The following MAP3K14 variants were observed in gnomAD, a reference collection of about 807,000 sequenced individuals.
MAP3K14 encodes NF-kappa-beta-inducing kinase.
Under a neutral mutation model 99.2 loss-of-function variants are expected in MAP3K14, and 16 were observed. That is an observed-to-expected ratio of 0.16 (90% confidence interval 0.11 to 0.24). The LOEUF is 0.24. MAP3K14 is among the 10% of genes least tolerant of loss of function. The probability of loss-of-function intolerance (pLI) is 1.00; values close to 1 mark genes in which losing one functional copy is unlikely to be tolerated. For missense variants in MAP3K14, 784 were observed against 1,208.7 expected (o/e 0.65, Z 5.21); for synonymous variants, 462 against 492.4 (o/e 0.94, Z 0.82).
intron 14 of MAP3K14, 119 bp from the exon 15 acceptor site, chr17:45,265,382 G>C (rs1210417839): frequency 1.4e-6 from 1 of 699,332 alleles, no homozygotes; most frequent in Non-Finnish European, 2.6e-6. Flanking sequence ...TGTAGGGGGA[G>C]CAGGTCTGGC....
Position 45,266,614 on chromosome 17 carries a change from TG to T in MAP3K14, c.2500del (p.Gln834ArgfsTer28). 6.2e-7 allele frequency: 1 copy of T among 1,613,828 alleles called. No individual in the cohort carries two copies. The highest frequency in any genetic ancestry group is 8.5e-7 in the Non-Finnish European group (1 of 1,179,844). ...CCAGCTGGAGCTTCGAGCCTCGGCC[TG>T]GCTGCTCCAGGAGTGTACGCCTGAG... ...LSSGVHSWSS[Q>X]AEARSSSWNM... On this transcript the variant is annotated frameshift_variant, in exon 14 of 16. Transcript: ENST00000344686. LOFTEE classifies it high-confidence loss of function.
chr17:45,271,177 C>G lies in MAP3K14; in HGVS notation c.1702G>C (p.Val568Leu). The G allele has an allele frequency of 1.2e-6, 2 of 1,613,460 alleles. No individual in the cohort carries two copies. Among genetic ancestry groups the G allele is most frequent in the Non-Finnish European group, 1.7e-6 (2 of 1,179,756 alleles). The part of the protein sequence containing the change: ...GTETHMAPEV[V>L]LGRSCDAKVD... ...TTGGCGTCGCAGCTCCTGCCCAGCA[C>G]CACCTCCGGAGCCATGTGGGTCTCT... is the stretch of plus-strand genomic sequence containing the variant. Residue 568 changes from valine to leucine, a missense_variant, in exon 10 of 16, where the codon GTG becomes CTG. Coordinates refer to ENST00000344686, the MANE Select transcript of MAP3K14 (RefSeq NM_003954.5).
At chr17:45,288,379 GTT>G (rs11410554) in intron 3 of MAP3K14, among the ~76,000 whole-genome samples, 2 of 135,804 alleles carry the variant, frequency 1.5e-5, no homozygotes, top group African/African-American at 2.7e-5. Flanking sequence ...TTGAACTCTT[GTT>G]TTTTTTTTTT....
chr17:45,307,266 A>T (rs7223853), intron 1 of MAP3K14, among the ~76,000 whole-genome samples: 48,334 of 150,454 alleles, frequency 0.32, 8,231 homozygotes, highest in East Asian at 0.64. Flanking sequence ...TCAAAAAATT[A>T]AAAAAAAAAA....
In MAP3K14 at chr17:45,267,625, C is replaced by G; in HGVS notation, c.2107G>C (p.Ala703Pro). 1 of 1,613,210 alleles carries G rather than the reference C, an allele frequency of 6.2e-7. No individual in the cohort carries two copies. Among genetic ancestry groups the G allele is most frequent in the Non-Finnish European group, 8.5e-7 (1 of 1,179,688 alleles). The change falls in exon 12 of 16, where the codon GCT becomes CCT. Residue 703 changes from alanine (A) to proline (P), a missense_variant. This residue lies in a region of MAP3K14 where 128 missense variants were observed against 143.3 expected (regional missense o/e 0.89). Coordinates refer to ENST00000344686, the MANE Select transcript of MAP3K14 (RefSeq NM_003954.5). The surrounding 1 kb of genome is among the most constrained non-coding windows in gnomAD (Gnocchi z 5.1). Reference protein sequence around the residue: ...LSPRAPGPRPAEETTGRAPKL... With the variant: ...LSPRAPGPRPPEETTGRAPKL... The stretch of plus-strand genomic sequence containing the variant: ...GGGGCTCTGCCTGTTGTCTCCTCAG[C>G]TGGCCGGGGCCCTGGGGCCCTTGGC...
In MAP3K14 at chr17:45,274,203, C is replaced by T. The variant is rs560732892; in HGVS notation, c.1472G>A (p.Arg491Gln). The T allele has an allele frequency of 3.1e-6, 5 of 1,598,326 alleles. No homozygotes were observed. Among genetic ancestry groups the T allele is most frequent in the African/African-American group, 1.3e-5 (1 of 74,760 alleles). Residue 491 changes from arginine (R) to glutamine (Q), a missense_variant, in exon 8 of 16, where the codon CGG (arginine) becomes CAG (glutamine). By Grantham distance (43) the Arg-to-Gln change is conservative. Coordinates refer to ENST00000344686, the MANE Select transcript of MAP3K14 (RefSeq NM_003954.5). ...GGCCTGGCCCAGGTAGTACAGGGCC[C>T]GGTCCTCTGGGAGACAGCCCTGCTC... The part of the protein sequence containing the change: ...VKEQGCLPED[R>Q]ALYYLGQALE...
At chr17:45,276,860 G>C (rs1476265393) in intron 6 of MAP3K14, among the ~76,000 whole-genome samples, 3 of 92,462 alleles carry the variant, frequency 3.2e-5, no homozygotes, top group African/African-American at 1.3e-4. Context: ...ACAGAGTCTC[G>C]CTCTGTCACC....
intron 1 of MAP3K14, among the ~76,000 whole-genome samples, chr17:45,312,907 T>C (rs1168194309): frequency 6.6e-6 from 1 of 152,218 alleles, no homozygotes; most frequent in African/African-American, 2.4e-5. Context: ...AAGTCCTTGC[T>C]GATCTACATG....
intron 6 of MAP3K14, among the ~76,000 whole-genome samples, chr17:45,279,917 C>G (rs1014200346): frequency 6.6e-6 from 1 of 152,182 alleles, no homozygotes; most frequent in African/African-American, 2.4e-5. Flanking sequence ...TTCCTCTGAT[C>G]CTTGTGCTAT....
intron 15 of MAP3K14, 110 bp from the exon 16 acceptor site, chr17:45,264,910 T>G (rs1356997208): frequency 2.1e-5 from 24 of 1,170,624 alleles, no homozygotes; most frequent in Non-Finnish European, 2.9e-5. Context: ...GGGCACTGCC[T>G]GTCTGTCATT....
chr17:45,285,420 G>A (rs535769432), intron 5 of MAP3K14, among the ~76,000 whole-genome samples: 2 of 152,214 alleles, frequency 1.3e-5, no homozygotes, highest in African/African-American at 4.8e-5. Flanking sequence ...GAGGTCAGGA[G>A]TTTGAGACCA....
chr17:45,274,160 G>A lies in MAP3K14; in HGVS notation c.1515C>T (p.Tyr505=). ...YLGQALEGLE[Y]LHSRRILHGD... ...CATGCAGAATCCTTCGTGAGTGGAG[G>A]TATTCCAGACCCTCCAGGGCCTGGC... Residue 505 remains tyrosine (Y), a synonymous_variant, in exon 8 of 16, where the codon TAC becomes TAT. Transcript: ENST00000344686. The A allele has an allele frequency of 6.2e-7, 1 of 1,607,054 alleles. No individual in the cohort carries two copies. The highest frequency in any genetic ancestry group is 8.5e-7 in the Non-Finnish European group (1 of 1,176,736).
At chr17:45,284,067 C>T (rs1166135903) in intron 6 of MAP3K14, among the ~76,000 whole-genome samples, 2 of 152,184 alleles carry the variant, frequency 1.3e-5, no homozygotes, top group Non-Finnish European at 2.9e-5. Context: ...GCCCAGCATG[C>T]CACACTGTCC....
intron 10 of MAP3K14, chr17:45,270,812 G>A: frequency 4.0e-6 from 3 of 747,328 alleles, no homozygotes; most frequent in Non-Finnish European, 6.5e-6. Flanking sequence ...TAGGAGGCAG[G>A]TGGATGGGGC....
Position 45,272,569 on chromosome 17 carries a change from C to T in MAP3K14, c.1657+934G>A, listed in dbSNP as rs954390333. 1.6e-4 allele frequency among the ~76,000 whole-genome samples: 24 copies of T among 152,106 alleles called. No individual in the cohort carries two copies. Among genetic ancestry groups the T allele is most frequent in the African/African-American group, 5.6e-4 (23 of 41,394 alleles). On this transcript the variant is annotated intron_variant, in intron 9 of 15. Coordinates refer to ENST00000344686, the MANE Select transcript of MAP3K14 (RefSeq NM_003954.5). The surrounding 1 kb of genome is among the most constrained non-coding windows in gnomAD (Gnocchi z 4.1). ...TATCCTTAAGGCTATACATGAAAAA[C>T]GCAGGGCACAAAATTGTGTTATAAT... is the stretch of plus-strand genomic sequence containing the variant.
rs766785713 is a variant in MAP3K14, at chr17:45,266,558, C to T, written c.2557G>A (p.Asp853Asn). The change falls in exon 14 of 16, where the codon GAC (aspartate) becomes AAC (asparagine). Residue 853 changes from aspartate (D) to asparagine (N), a missense_variant. Transcript: ENST00000344686. ...NMVLARGRPT[D>N]TPSYFNGVKV... ...GTACCATTGAAATAGCTTGGGGTGT[C>T]GGTGGGCCGCCCCCGGGCCAGCACC... The T allele has an allele frequency of 6.8e-6, 11 of 1,612,932 alleles. No individual in the cohort carries two copies. The Admixed American group carries it at 8.3e-5, about 12-fold the overall frequency.
chr17:45,309,813 T>C (rs747497661), intron 1 of MAP3K14, among the ~76,000 whole-genome samples: 33 of 152,212 alleles, frequency 2.2e-4, no homozygotes, highest in Non-Finnish European at 3.8e-4. Context: ...ATAACCCTTC[T>C]GAACTGGACA....
chr17:45,315,390 C>G (rs1252569768), intron 1 of MAP3K14, among the ~76,000 whole-genome samples: 1 of 152,092 alleles, frequency 6.6e-6, no homozygotes, highest in Non-Finnish European at 1.5e-5. Context: ...GGTACACATA[C>G]CTGGGTACTT....
In MAP3K14 at chr17:45,267,732, C is replaced by T; in HGVS notation, c.2000G>A (p.Gly667Glu). ...TGGATGTCTTGGTTCTTTATATTCT[C>T]CCCTCCAAGGGCTCTTCAGACCTCC... is the stretch of plus-strand genomic sequence containing the variant. Reference protein sequence around the residue: ...QVGGLKSPWRGEYKEPRHPPP... With the variant: ...QVGGLKSPWREEYKEPRHPPP... Residue 667 changes from glycine to glutamate, a missense_variant, in exon 12 of 16, where the codon GGA (glycine) becomes GAA (glutamate). Physicochemically the swap from Gly to Glu is moderately conservative, Grantham distance 98. Around this residue, in one of 5 missense-constraint regions of MAP3K14, gnomAD observed 128 missense variants for 143.3 expected, o/e 0.89. Transcript: ENST00000344686. The surrounding 1 kb of genome is among the most constrained non-coding windows in gnomAD (Gnocchi z 5.1). 1 of 1,612,650 alleles carries T rather than the reference C, an allele frequency of 6.2e-7. No homozygotes were observed. The highest frequency in any genetic ancestry group is 8.5e-7 in the Non-Finnish European group (1 of 1,179,826).
Sources: gnomAD v4.1 joint callset for allele counts (sites outside exome capture counted in the v4.1 genomes callset) on GRCh38, gnomAD v4.1.1 for gene constraint, gnomAD v4.1.1 regional missense constraint, Gnocchi (gnomAD v3.1) non-coding constraint, MANE v1.5 for transcripts, NCBI Gene and HGNC (gene_info 2026-07-23, HGNC 2026-07-21) for gene names.